ASIC2: variants seen among roughly 807,000 people sequenced by gnomAD.
ASIC2 encodes the protein acid sensing ion channel subunit 2, also known as acid-sensing ion channel 2.
ASIC2 carries 25 observed loss-of-function variants against 57.3 expected under a neutral mutation model. That is an observed-to-expected ratio of 0.44 (90% CI 0.32 to 0.61). The LOEUF is 0.61. Ranked by LOEUF, ASIC2 falls within the 20% of genes least tolerant of loss-of-function variation. The probability of loss-of-function intolerance (pLI) is 0.06; values close to 1 mark genes in which losing one functional copy is unlikely to be tolerated. For missense variants in ASIC2, 641 were observed against 738.1 expected (o/e 0.87, Z 1.52); for synonymous variants, 319 against 307.5 (o/e 1.04, Z -0.39).
intron 1 of ASIC2, among the ~76,000 whole-genome samples, chr17:33,652,473 G>A (rs868565128): frequency 1.3e-5 from 2 of 152,198 alleles, no homozygotes; most frequent in Admixed American, 1.3e-4. Context: ...CTGTGGGCAG[G>A]TTCCAGTATT....
At chr17:33,482,470 C>T (rs1421214785) in intron 1 of ASIC2, among the ~76,000 whole-genome samples, 1 of 152,242 alleles carries the variant, frequency 6.6e-6, no homozygotes, top group East Asian at 1.9e-4. Flanking sequence ...TTTGCATCCC[C>T]TATCTTGTGC....
chr17:33,499,904 G>A (rs986824305), intron 1 of ASIC2, among the ~76,000 whole-genome samples: 1 of 152,182 alleles, frequency 6.6e-6, no homozygotes, highest in East Asian at 1.9e-4. Context: ...TGGCATACCT[G>A]CATCAGGCCG....
chr17:33,084,362 A>C (rs1249392539), intron 3 of ASIC2, among the ~76,000 whole-genome samples: 3 of 152,136 alleles, frequency 2.0e-5, no homozygotes, highest in Non-Finnish European at 2.9e-5. Flanking sequence ...CTTTGGGCTC[A>C]TGGTAGGAAA....
At chr17:33,220,489 G>A (rs1040619232) in intron 1 of ASIC2, among the ~76,000 whole-genome samples, 2 of 152,136 alleles carry the variant, frequency 1.3e-5, no homozygotes, top group African/African-American at 4.8e-5. Flanking sequence ...CAGGAGACTC[G>A]AGGCTTTGGG....
chr17:34,135,831 A>C (rs1362221939), intron 1 of ASIC2, among the ~76,000 whole-genome samples: 1 of 152,182 alleles, frequency 6.6e-6, no homozygotes, highest in African/African-American at 2.4e-5. Flanking sequence ...ATTCCTTTAT[A>C]GTATCTTTCA....
chr17:33,804,179 G>A (rs886282611), intron 1 of ASIC2, among the ~76,000 whole-genome samples: 1 of 152,054 alleles, frequency 6.6e-6, no homozygotes, highest in Non-Finnish European at 1.5e-5. Context: ...AAATGTGTCG[G>A]GGAGCTCCAG....
chr17:33,421,823 G>A (rs987113278), intron 1 of ASIC2, among the ~76,000 whole-genome samples: 2 of 152,144 alleles, frequency 1.3e-5, no homozygotes, highest in African/African-American at 4.8e-5. Flanking sequence ...TCCTTTGCAC[G>A]GTCATAGAGC....
chr17:33,523,006 C>G (rs1312451346), intron 1 of ASIC2, among the ~76,000 whole-genome samples: 1 of 152,210 alleles, frequency 6.6e-6, no homozygotes, highest in Admixed American at 6.5e-5. Flanking sequence ...GTGATCTACA[C>G]AGCAAGTGGG....
At chr17:33,339,361 C>T (rs1279267820) in intron 1 of ASIC2, among the ~76,000 whole-genome samples, 1 of 152,192 alleles carries the variant, frequency 6.6e-6, no homozygotes, top group Non-Finnish European at 1.5e-5. Flanking sequence ...TTCTACTCAA[C>T]TCTCCTGTTG....
At chr17:33,333,950 G>A (rs1256653844) in intron 1 of ASIC2, among the ~76,000 whole-genome samples, 4 of 152,222 alleles carry the variant, frequency 2.6e-5, no homozygotes, top group African/African-American at 9.6e-5. Context: ...TGAGGAAGAT[G>A]CCTCTTCAGT....
chr17:33,531,715 CT>C (rs1179234100), intron 1 of ASIC2, among the ~76,000 whole-genome samples: 7 of 152,228 alleles, frequency 4.6e-5, no homozygotes, highest in African/African-American at 1.7e-4. Flanking sequence ...AGAGGCCCTT[CT>C]TTCCTCCATC....
At chr17:33,267,114 G>A (rs537709653) in intron 1 of ASIC2, among the ~76,000 whole-genome samples, 1 of 152,196 alleles carries the variant, frequency 6.6e-6, no homozygotes, top group East Asian at 1.9e-4. Flanking sequence ...GCAGGAACAA[G>A]AAAAAGAACA....
intron 1 of ASIC2, among the ~76,000 whole-genome samples, chr17:33,856,473 G>A (rs368923377): frequency 2.4e-5 from 2 of 81,642 alleles, no homozygotes; most frequent in Non-Finnish European, 6.0e-5. Context: ...CAGTAGTAGT[G>A]GTGGTGGTGG....
chr17:33,304,222 T>G (rs987159647), intron 1 of ASIC2, among the ~76,000 whole-genome samples: 1 of 151,994 alleles, frequency 6.6e-6, no homozygotes, highest in Non-Finnish European at 1.5e-5. Context: ...TAAAAAAAGA[T>G]CTGAGTCCAA....
chr17:33,175,475 C>A (rs1398368570), intron 1 of ASIC2, among the ~76,000 whole-genome samples: 1 of 142,746 alleles, frequency 7.0e-6, no homozygotes, highest in African/African-American at 2.8e-5. Context: ...TTTTTTTTTT[C>A]CTGTGTAGGA....
intron 7 of ASIC2, 48 bp from the exon 8 acceptor site, chr17:33,017,732 A>G: frequency 1.3e-6 from 2 of 1,556,024 alleles, no homozygotes; most frequent in Non-Finnish European, 1.8e-6. Context: ...TGCAGCTTCC[A>G]GGAAGGGTGA....
chr17:33,884,739 G>A (rs1434200657), intron 1 of ASIC2, among the ~76,000 whole-genome samples: 2 of 150,632 alleles, frequency 1.3e-5, no homozygotes, highest in African/African-American at 4.9e-5. Context: ...CCCTAAGCTA[G>A]ATTCACTCTT....
chr17:33,174,174 C>G (rs983765221), intron 1 of ASIC2, among the ~76,000 whole-genome samples: 5 of 152,132 alleles, frequency 3.3e-5, no homozygotes, highest in Admixed American at 6.5e-5. Flanking sequence ...GTAATCCCAG[C>G]ACTTTGCGAG....
rs56220894 is a variant in ASIC2 at position 33,663,449 on chromosome 17, G to GTT, written c.555+492527_555+492528dup. 2.8e-3 allele frequency among the ~76,000 whole-genome samples: 416 copies of GTT among 147,572 alleles called. 2 individuals are homozygous for GTT. The highest frequency in any genetic ancestry group is 9.7e-3 in the African/African-American group (392 of 40,536). ...GAATGTAACTGAGGCTAATGCCGTC[G>GTT]TTTTTTTTTTTTCTTCTTCTCCAAT... On this transcript the variant is annotated intron_variant, in intron 1 of 9. Coordinates refer to the ASIC2 transcript ENST00000359872.
Sources: gnomAD v4.1 joint callset for allele counts (sites outside exome capture counted in the v4.1 genomes callset) on GRCh38, gnomAD v4.1.1 for gene constraint, MANE v1.5 for transcripts, NCBI Gene and HGNC (gene_info 2026-07-23, HGNC 2026-07-21) for gene names.